CFDP1: variants seen among roughly 807,000 people sequenced by gnomAD.
The protein encoded by CFDP1 is heterochromatin-stabilizing protein CFDP1.
In CFDP1, 31 loss-of-function variants were observed where a neutral mutation model predicts 40.1. The observed-to-expected ratio is 0.77, with a 90% CI of 0.58 to 1.04. The LOEUF is 1.04. Ranked by LOEUF, CFDP1 falls within the 50% of genes least tolerant of loss-of-function variation. The pLI is 0.00. For synonymous variants in CFDP1, 167 were observed against 120.0 expected (o/e 1.39, Z -2.56); for missense variants, 423 against 343.4 (o/e 1.23, Z -1.83).
At chr16:75,351,850 A>G (rs1365323746) in intron 5 of CFDP1, among the ~76,000 whole-genome samples, 1 of 150,984 alleles carries the variant, frequency 6.6e-6, no homozygotes, top group East Asian at 1.9e-4. Flanking sequence ...CCTATTAAAA[A>G]TACAAAAATT....
intron 5 of CFDP1, among the ~76,000 whole-genome samples, chr16:75,351,067 T>C (rs1041514197): frequency 1.3e-5 from 2 of 152,116 alleles, no homozygotes; most frequent in African/African-American, 4.8e-5. Flanking sequence ...ATACATACAA[T>C]AGGTCAATGT....
chr16:75,397,884 C>A (rs1466619788), intron 4 of CFDP1, among the ~76,000 whole-genome samples: 2 of 152,200 alleles, frequency 1.3e-5, no homozygotes, highest in Non-Finnish European at 2.9e-5. Flanking sequence ...AGCTTGGATA[C>A]ACGACTTGCT....
At chr16:75,306,010 A>C (rs146218043) in intron 5 of CFDP1, among the ~76,000 whole-genome samples, 53 of 152,352 alleles carry the variant, frequency 3.5e-4, no homozygotes, top group Middle Eastern at 6.8e-3. Flanking sequence ...ATATGAAATA[A>C]AATAAGAAAA....
intron 1 of CFDP1, among the ~76,000 whole-genome samples, chr16:75,426,323 C>G (rs1244734179): frequency 2.0e-5 from 3 of 152,044 alleles, no homozygotes. Context: ...GCACTCCAGC[C>G]TGGGCAACAA....
At chr16:75,378,968 G>A (rs941153629) in intron 5 of CFDP1, among the ~76,000 whole-genome samples, 6 of 151,922 alleles carry the variant, frequency 3.9e-5, no homozygotes, top group Admixed American at 6.6e-5. Context: ...TGAAAACTTG[G>A]AAATGGAACA....
At chr16:75,326,640 T>G (rs1192245985) in intron 5 of CFDP1, among the ~76,000 whole-genome samples, 1 of 152,188 alleles carries the variant, frequency 6.6e-6, no homozygotes, top group African/African-American at 2.4e-5. Context: ...GAACTGGTGC[T>G]TCTTACTGCT....
In CFDP1 at chr16:75,412,673, C is replaced by T; in HGVS notation, c.264G>A (p.Glu88=). 2 of 1,614,126 alleles carry T rather than the reference C, an allele frequency of 1.2e-6. No homozygotes were observed. Among genetic ancestry groups the T allele is most frequent in the Non-Finnish European group, 1.7e-6 (2 of 1,180,028 alleles). The change falls in exon 3 of 7, where the codon GAG becomes GAA. Residue 88 remains glutamate, a synonymous_variant. Coordinates refer to ENST00000283882, the MANE Select transcript of CFDP1 (RefSeq NM_006324.3). ...ANSESEGSSS[E]EEDDAAEQEK... ...CCTGCTCTGCAGCGTCATCTTCCTC[C>T]TCACTACTGCTTCCCTCAGATTCTG... is the stretch of plus-strand genomic sequence containing the variant.
chr16:75,330,555 C>G lies in CFDP1; in HGVS notation c.651-25373G>C, dbSNP rs187717161. 4.6e-5 allele frequency among the ~76,000 whole-genome samples: 7 copies of G among 152,294 alleles called. No individual in the cohort carries two copies. The East Asian group carries it at 1.4e-3, about 29-fold the overall frequency. ...AGTGAGCCAAGATAGCACCAGTGCA[C>G]TCCAGCCTGGGCAACAAGAGTGAAA... On this transcript the variant is annotated intron_variant, in intron 5 of 6. Coordinates refer to ENST00000283882, the MANE Select transcript of CFDP1 (RefSeq NM_006324.3).
intron 5 of CFDP1, among the ~76,000 whole-genome samples, chr16:75,308,464 C>A (rs1479846801): frequency 6.6e-6 from 1 of 152,108 alleles, no homozygotes; most frequent in East Asian, 1.9e-4. Context: ...TTATTTTCCT[C>A]GTGTAATCTT....
intron 5 of CFDP1, among the ~76,000 whole-genome samples, chr16:75,340,758 A>G (rs2078521351): frequency 6.6e-6 from 1 of 152,190 alleles, no homozygotes; most frequent in Non-Finnish European, 1.5e-5. Context: ...CTGCTGAGTA[A>G]GAAAAGAGTT....
rs771336487 is a variant in CFDP1 at position 75,305,097 on chromosome 16, G to A, written c.736C>T (p.Leu246=). ...QKMSTLEKSK[L]DWESFKEEEG... ...TCCTCCTTGAAGCTCTCCCAGTCCA[G>A]TTTGGACTTCTCAAGGGTGCTCATT... Residue 246 remains leucine (L), a synonymous_variant, in exon 6 of 7, where the codon CTG becomes TTG. Transcript: ENST00000283882. 3.7e-6 allele frequency: 6 copies of A among 1,613,958 alleles called. No homozygotes were observed. The highest frequency in any genetic ancestry group is 1.7e-5 in the Admixed American group (1 of 59,980).
intron 5 of CFDP1, among the ~76,000 whole-genome samples, chr16:75,343,893 T>C (rs1466744616): frequency 1.3e-5 from 2 of 152,210 alleles, no homozygotes; most frequent in African/African-American, 4.8e-5. Flanking sequence ...GCATGCGACA[T>C]TTTATGCAGA....
chr16:75,406,072 T>C (rs753278787), intron 4 of CFDP1, among the ~76,000 whole-genome samples: 1 of 151,274 alleles, frequency 6.6e-6, no homozygotes, highest in Non-Finnish European at 1.5e-5. Flanking sequence ...CAAGACCCCA[T>C]CTCTACAAAA....
chr16:75,314,910 C>G (rs1271364561), intron 5 of CFDP1, among the ~76,000 whole-genome samples: 1 of 152,156 alleles, frequency 6.6e-6, no homozygotes, highest in Non-Finnish European at 1.5e-5. Context: ...TGCCACCACA[C>G]CTGGCTAACT....
At position 75,294,057 on chromosome 16, in the gene CFDP1, CAG is replaced by C; in HGVS notation, c.810-17_810-16del. On this transcript the variant is annotated splice_polypyrimidine_tract_variant and intron_variant, in intron 6 of 6. Coordinates refer to ENST00000283882, the MANE Select transcript of CFDP1 (RefSeq NM_006324.3). ...GTTCAATGTACCTAGAAGATGAAAA[CAG>C]TGTTTGTCAGTAGAATCCAGTAGGA... 3 of 1,591,052 alleles carry C rather than the reference CAG, an allele frequency of 1.9e-6. No homozygotes were observed. Among genetic ancestry groups the C allele is most frequent in the Non-Finnish European group, 2.6e-6 (3 of 1,159,024 alleles).
At chr16:75,430,530 T>C (rs1413702781) in intron 1 of CFDP1, among the ~76,000 whole-genome samples, 2 of 151,746 alleles carry the variant, frequency 1.3e-5, no homozygotes, top group African/African-American at 4.8e-5. Context: ...AGAAGCATGA[T>C]CTTCACTCAC....
At chr16:75,375,893 A>G (rs1482591806) in intron 5 of CFDP1, among the ~76,000 whole-genome samples, 5 of 152,148 alleles carry the variant, frequency 3.3e-5, no homozygotes, top group Non-Finnish European at 7.3e-5. Flanking sequence ...TGGTACAACC[A>G]TCTTGAGGAA....
chr16:75,294,818 A>G lies in CFDP1; in HGVS notation c.810-776T>C, dbSNP rs1023562105. Among the ~76,000 whole-genome samples, 28 of 152,002 alleles carry G rather than the reference A, an allele frequency of 1.8e-4. 1 individual carries two copies. The highest frequency in any genetic ancestry group is 6.8e-4 in the African/African-American group (28 of 41,374). On this transcript the variant is annotated intron_variant, in intron 6 of 6. Transcript: ENST00000283882. ...TTGAAAGGTGGACACTCTGCTCCCT[A>G]ATCTGGTTGGGTTCAGCAAACTTTC...
Position 75,311,623 on chromosome 16 carries a change from T to G in CFDP1, c.651-6441A>C, listed in dbSNP as rs76317223. On this transcript the variant is annotated intron_variant, in intron 5 of 6. Coordinates refer to ENST00000283882, the MANE Select transcript of CFDP1 (RefSeq NM_006324.3). ...GATCTTTAATCCAAACTTCAACACG[T>G]GAAGGCTGGATTAAGTCTATGCCTT... 4.7e-3 allele frequency among the ~76,000 whole-genome samples: 719 copies of G among 152,300 alleles called. 7 individuals are homozygous for G. Among genetic ancestry groups the G allele is most frequent in the African/African-American group, 0.016 (680 of 41,564 alleles).
Sources: gnomAD v4.1 joint callset for allele counts (sites outside exome capture counted in the v4.1 genomes callset) on GRCh38, gnomAD v4.1.1 for gene constraint, MANE v1.5 for transcripts, NCBI Gene and HGNC (gene_info 2026-07-23, HGNC 2026-07-21) for gene names.